The following LRP2BP variants were observed in gnomAD, a reference collection of about 807,000 sequenced individuals.
LRP2BP encodes the protein LRP2 binding protein.
In LRP2BP, 38 loss-of-function variants were observed where a neutral mutation model predicts 45.2. That is an observed-to-expected ratio of 0.84 (90% CI 0.65 to 1.10). The LOEUF (loss-of-function observed/expected upper bound fraction) is 1.10, where lower values mean the gene tolerates loss of function less well. Among genes scored for constraint, LRP2BP ranks in the 50% least tolerant of loss-of-function variants. LRP2BP has a pLI of 0.00. For synonymous variants in LRP2BP, 153 were observed against 153.9 expected (o/e 0.99, Z 0.04); for missense variants, 385 against 418.9 (o/e 0.92, Z 0.71).
At chr4:185,396,863 G>T, upstream of LRP2BP, 1 of 1,571,008 alleles carries the variant, frequency 6.4e-7, no homozygotes. Context: ...CTGTCGGGGT[G>T]CGGCGAGTGT....
intron 8 of LRP2BP, chr4:185,369,820 T>C (rs746279629): frequency 9.5e-6 from 4 of 422,146 alleles, no homozygotes; most frequent in South Asian, 1.8e-5. Flanking sequence ...GGCCTGAACT[T>C]TGGAATTTGT....
intron 2 of LRP2BP, 42 bp from the exon 3 acceptor site, chr4:185,377,060 T>C (rs775587034): frequency 2.5e-5 from 34 of 1,351,128 alleles, no homozygotes; most frequent in Middle Eastern, 1.8e-4. Flanking sequence ...CCACACAATA[T>C]GAATTTTCTC....
At chr4:185,376,793 G>A in intron 3 of LRP2BP, 116 bp downstream of exon 3, 1 of 684,112 alleles carries the variant, frequency 1.5e-6, no homozygotes, top group South Asian at 1.8e-5. Context: ...CATAGTCGAT[G>A]TAATTGGACA....
In LRP2BP at chr4:185,370,806, T is replaced by G. The variant is rs1390201718; in HGVS notation, c.812A>C (p.Asp271Ala). Residue 271 changes from aspartate (D) to alanine (A), a missense_variant, in exon 8 of 9, where the codon GAC becomes GCC. By Grantham distance (126) the Asp-to-Ala change is moderately radical (BLOSUM62 -2). Coordinates refer to ENST00000505916, the MANE Select transcript of LRP2BP (RefSeq NM_001377440.1). ...KCVAFSKRIA[D>A]YDEVHDIPMI... ...GGGGATGTCGTGAACCTCATCATAG[T>G]CAGCGATCCTGAGAGGATGTAGAGT... 6.2e-7 allele frequency: 1 copy of G among 1,613,994 alleles called. No individual in the cohort carries two copies. Among genetic ancestry groups the G allele is most frequent in the East Asian group, 2.2e-5 (1 of 44,878 alleles).
intron 1 of LRP2BP, among the ~76,000 whole-genome samples, chr4:185,388,447 G>GCCTA (rs1554020573): frequency 2.0e-5 from 3 of 149,516 alleles, no homozygotes; most frequent in Non-Finnish European, 4.4e-5. Context: ...CTACCTATCT[G>GCCTA]CCTACCTACC....
At chr4:185,385,907 G>GCA (rs1554020212) in intron 1 of LRP2BP, among the ~76,000 whole-genome samples, 2 of 76,860 alleles carry the variant, frequency 2.6e-5, no homozygotes, top group South Asian at 4.8e-4. Context: ...TCTCGGGGAG[G>GCA]GGGGGGGGGA....
chr4:185,395,310 T>C lies in LRP2BP; in HGVS notation c.-553A>G, dbSNP rs947274446. 1 of 985,340 alleles carries C rather than the reference T, an allele frequency of 1.0e-6. No individual in the cohort carries two copies. Among genetic ancestry groups the C allele is most frequent in the Admixed American group, 6.1e-5 (1 of 16,270 alleles). 61.0% of individuals were successfully genotyped at this position (985,340 alleles called of 1,614,324 possible). A position where few individuals can be genotyped will look rare whatever the true frequency, so the allele number is the denominator to read the frequency against. On this transcript the variant is annotated 5_prime_UTR_variant, in exon 1 of 9. Transcript: ENST00000505916. Reference sequence around the variant, plus strand: ...CACCACACAAATATCCCACTACATATGCTAACTGCAGTATTTATGTTCAAA... The same window carrying C: ...CACCACACAAATATCCCACTACATACGCTAACTGCAGTATTTATGTTCAAA...
At position 185,395,204 on chromosome 4, in the gene LRP2BP, A is replaced by C. The variant is rs565043441; in HGVS notation, c.-447T>G. The stretch of plus-strand genomic sequence containing the variant: ...TTATGAAATTTACGTATGTAACAGG[A>C]AGTTAAAAAATAACTACCACTTAAT... On this transcript the variant is annotated 5_prime_UTR_variant, in exon 1 of 9. Coordinates refer to ENST00000505916, the MANE Select transcript of LRP2BP (RefSeq NM_001377440.1). 26 of 985,450 alleles carry C rather than the reference A, an allele frequency of 2.6e-5. 1 individual carries two copies. In the African/African-American group the frequency reaches 3.7e-4, roughly 14 times the overall value. The allele number at this position is 985,450 out of a possible 1,614,324, so 61.0% of individuals were successfully genotyped here.
chr4:185,385,225 A>G (rs1040643684), intron 1 of LRP2BP, among the ~76,000 whole-genome samples: 2 of 152,092 alleles, frequency 1.3e-5, no homozygotes, highest in Non-Finnish European at 2.9e-5. Context: ...TCTGTTCCCA[A>G]TGGGGAAACC....
intron 1 of LRP2BP, among the ~76,000 whole-genome samples, chr4:185,381,782 A>C (rs1177184874): frequency 6.6e-6 from 1 of 152,192 alleles, no homozygotes; most frequent in Non-Finnish European, 1.5e-5. Flanking sequence ...AATGTGAGGA[A>C]ATTATTGTAT....
At position 185,385,558 on chromosome 4, in the gene LRP2BP, G is replaced by A. The variant is rs1013759521; in HGVS notation, c.-21-7351C>T. Among the ~76,000 whole-genome samples the A allele has an allele frequency of 3.3e-5, 5 of 152,218 alleles. No homozygotes were observed. The East Asian group carries it at 5.8e-4, about 18-fold the overall frequency. On this transcript the variant is annotated intron_variant, in intron 1 of 8. Transcript: ENST00000505916. ...AATATTCATTTGCAGCCCCATTAAC[G>A]TTGCTTGTCACCCCACCTCCCCATG... is the stretch of plus-strand genomic sequence containing the variant.
In LRP2BP at chr4:185,380,899, C is replaced by G. The variant is rs991612316; in HGVS notation, c.-21-2692G>C. 2.6e-5 allele frequency among the ~76,000 whole-genome samples: 4 copies of G among 151,960 alleles called. No individual in the cohort carries two copies. The East Asian group carries it at 7.7e-4, about 29-fold the overall frequency. On this transcript the variant is annotated intron_variant, in intron 1 of 8. Coordinates refer to ENST00000505916, the MANE Select transcript of LRP2BP (RefSeq NM_001377440.1). ...TAATCTCTCCCTTTTTATTAATTCT[C>G]TCTTTAGCCACATCTAGTCTGCCAT...
At chr4:185,383,165 G>A (rs2095460547) in intron 1 of LRP2BP, among the ~76,000 whole-genome samples, 1 of 152,104 alleles carries the variant, frequency 6.6e-6, no homozygotes. Flanking sequence ...TAAACTTTGT[G>A]CTCTGAACCA....
Position 185,395,465 on chromosome 4 carries a change from G to T in LRP2BP, c.-708C>A. On this transcript the variant is annotated 5_prime_UTR_variant, in exon 1 of 9. Coordinates refer to ENST00000505916, the MANE Select transcript of LRP2BP (RefSeq NM_001377440.1). ...TGAATTGATAAACAAAAGCGAAACTGGCAATATCAACGTGTGCTCACCTCA... is the reference window on the plus strand; with the variant it reads ...TGAATTGATAAACAAAAGCGAAACTTGCAATATCAACGTGTGCTCACCTCA... 1.0e-6 allele frequency: 1 copy of T among 985,192 alleles called. No individual in the cohort carries two copies. The highest frequency in any genetic ancestry group is 1.2e-6 in the Non-Finnish European group (1 of 829,754). 61.0% of individuals were successfully genotyped at this position (985,192 alleles called of 1,614,324 possible). A position where few individuals can be genotyped will look rare whatever the true frequency, so the allele number is the denominator to read the frequency against.
intron 1 of LRP2BP, among the ~76,000 whole-genome samples, chr4:185,392,881 T>G (rs1405146995): frequency 2.0e-5 from 3 of 152,234 alleles, no homozygotes; most frequent in Non-Finnish European, 4.4e-5. Flanking sequence ...CGTTATGATA[T>G]TCTCAAGGGA....
intron 1 of LRP2BP, among the ~76,000 whole-genome samples, chr4:185,387,589 G>C (rs927966932): frequency 1.3e-5 from 2 of 152,112 alleles, no homozygotes; most frequent in Admixed American, 6.5e-5. Context: ...TTTTTGAATT[G>C]CAAGTAAGAG....
At chr4:185,377,109 G>T in intron 2 of LRP2BP, 91 bp from the exon 3 acceptor site, 1 of 922,730 alleles carries the variant, frequency 1.1e-6, no homozygotes. Context: ...ATCTAACACT[G>T]TTGACATTCT....
At chr4:185,377,244 G>A (rs1291622449) in intron 2 of LRP2BP, 4 of 469,532 alleles carry the variant, frequency 8.5e-6, no homozygotes, top group South Asian at 2.8e-5. Context: ...CTGGCCGGGC[G>A]CGGTGGCTCA....
rs1286533954 is a variant in LRP2BP, at chr4:185,367,028, C to T, written c.*152G>A. The T allele has an allele frequency of 2.2e-5, 15 of 697,374 alleles. No individual in the cohort carries two copies. Among genetic ancestry groups the T allele is most frequent in the Admixed American group, 1.6e-4 (6 of 37,856 alleles). 43.2% of individuals were successfully genotyped at this position (697,374 alleles called of 1,614,324 possible). ...GGTTTCAAGTTGCAAAACTTAACAG[C>T]GTACGAATTCAAGAACGAAGTAACA... On this transcript the variant is annotated 3_prime_UTR_variant, in exon 9 of 9. Transcript: ENST00000505916.
Sources: allele counts gnomAD v4.1 joint callset (sites outside exome capture counted in the v4.1 genomes callset), GRCh38; gene constraint gnomAD v4.1.1; transcripts MANE v1.5; gene names NCBI Gene and HGNC (gene_info 2026-07-23, HGNC 2026-07-21).